The following ROBO2 variants were observed in gnomAD, a reference collection of about 807,000 sequenced individuals.
ROBO2 encodes the protein roundabout homolog 2.
A neutral mutation model predicts 160.8 loss-of-function variants in ROBO2; 53 were observed. That is an observed-to-expected ratio of 0.33 (90% confidence interval 0.26 to 0.41). The LOEUF (loss-of-function observed/expected upper bound fraction) is 0.41, where lower values mean the gene tolerates loss of function less well. Ranked by LOEUF, ROBO2 falls within the 10% of genes least tolerant of loss-of-function variation. ROBO2 has a pLI of 1.00. For synonymous variants in ROBO2, 664 were observed against 611.7 expected, an observed-to-expected ratio of 1.09 and a Z score of -1.26; for missense variants, 1,577 against 1,722.4, an observed-to-expected ratio of 0.92 and a Z score of 1.49.
chr3:77,645,349 A>G (rs1209132658), intron 25 of ROBO2, among the ~76,000 whole-genome samples: 3 of 152,136 alleles, frequency 2.0e-5, no homozygotes, highest in African/African-American at 7.2e-5. Context: ...TTGATCTTTG[A>G]TTGTTAATTA....
intron 5 of ROBO2, among the ~76,000 whole-genome samples, chr3:77,518,050 A>C (rs528238816): frequency 1.3e-4 from 20 of 151,648 alleles, no homozygotes; most frequent in Middle Eastern, 3.4e-3. Flanking sequence ...AAAATTGAAA[A>C]AGCTGTCTTG....
At chr3:77,607,040 T>C (rs1346435836) in intron 20 of ROBO2, among the ~76,000 whole-genome samples, 1 of 152,184 alleles carries the variant, frequency 6.6e-6, no homozygotes. Context: ...TTCATTAAGC[T>C]CCATGTAATC....
At chr3:76,817,499 AT>A (rs1215113956) in intron 2 of ROBO2, among the ~76,000 whole-genome samples, 1 of 151,940 alleles carries the variant, frequency 6.6e-6, no homozygotes, top group Non-Finnish European at 1.5e-5. Flanking sequence ...TTTTCTTTAC[AT>A]TTTTTTATTT....
At chr3:77,588,652 T>C in intron 16 of ROBO2, 99 bp from the exon 18 acceptor site, 2 of 1,117,510 alleles carry the variant, frequency 1.8e-6, no homozygotes, top group East Asian at 2.6e-5. Context: ...AAGCATTTCC[T>C]GCCTTCAAAT....
At chr3:76,912,041 G>C (rs548697968) in intron 2 of ROBO2, among the ~76,000 whole-genome samples, 2 of 152,264 alleles carry the variant, frequency 1.3e-5, no homozygotes, top group East Asian at 3.9e-4. Context: ...TAAATTTTCA[G>C]ATATTGAAAC....
intron 2 of ROBO2, among the ~76,000 whole-genome samples, chr3:76,061,800 T>C (rs2068078123): frequency 6.6e-6 from 1 of 152,128 alleles, no homozygotes; most frequent in Admixed American, 6.6e-5. Flanking sequence ...TGGGCTCAAA[T>C]CAAGGTATCA....
intron 2 of ROBO2, among the ~76,000 whole-genome samples, chr3:76,493,366 A>ATATATATATATATATAG (rs2079956468): frequency 1.4e-5 from 1 of 69,366 alleles, no homozygotes; most frequent in African/African-American, 5.4e-5. Flanking sequence ...TATATATATA[A>ATATATATATATATATAG]TTGTATATAC....
intron 2 of ROBO2, among the ~76,000 whole-genome samples, chr3:76,948,887 TATATATATATATA>T (rs2078748280): frequency 4.3e-5 from 1 of 23,348 alleles, no homozygotes; most frequent in African/African-American, 1.6e-4. Context: ...TATATATATA[TATATATATATATA>T]TATATATATT....
At chr3:77,592,473 G>A (rs1415401898) in intron 17 of ROBO2, among the ~76,000 whole-genome samples, 1 of 151,956 alleles carries the variant, frequency 6.6e-6, no homozygotes, top group Non-Finnish European at 1.5e-5. Flanking sequence ...CCAGATATGG[G>A]CCATACATAC....
At chr3:77,001,664 G>A (rs2061341387) in intron 2 of ROBO2, among the ~76,000 whole-genome samples, 2 of 152,030 alleles carry the variant, frequency 1.3e-5, no homozygotes, top group African/African-American at 4.8e-5. Flanking sequence ...ATGGGCTAAT[G>A]GTGCCAAGAT....
chr3:76,011,306 C>T (rs1290467192), intron 2 of ROBO2, among the ~76,000 whole-genome samples: 1 of 152,124 alleles, frequency 6.6e-6, no homozygotes, highest in Non-Finnish European at 1.5e-5. Flanking sequence ...TGAGATGCTG[C>T]CAGCCCGTGA....
chr3:75,995,287 C>T (rs915211816), intron 2 of ROBO2, among the ~76,000 whole-genome samples: 7 of 152,128 alleles, frequency 4.6e-5, no homozygotes, highest in Non-Finnish European at 7.4e-5. Flanking sequence ...GGTCCAGGAC[C>T]TTGCTGCCGT....
At chr3:76,580,378 T>C (rs1190202936) in intron 2 of ROBO2, among the ~76,000 whole-genome samples, 2 of 148,570 alleles carry the variant, frequency 1.3e-5, no homozygotes, top group African/African-American at 4.9e-5. Flanking sequence ...TTTTTTTCTC[T>C]TGGTCTGACA....
At chr3:77,082,014 A>G (rs764611897) in intron 1 of ROBO2, among the ~76,000 whole-genome samples, 6 of 152,208 alleles carry the variant, frequency 3.9e-5, no homozygotes, top group Non-Finnish European at 2.9e-5. Flanking sequence ...CCAACTGCAT[A>G]GGCCCTATGT....
At chr3:77,290,023 G>A (rs1197532489) in intron 2 of ROBO2, among the ~76,000 whole-genome samples, 9 of 151,260 alleles carry the variant, frequency 6.0e-5, no homozygotes, top group Non-Finnish European at 1.0e-4. Flanking sequence ...AAGACATAAA[G>A]TAAAATTGAC....
intron 2 of ROBO2, among the ~76,000 whole-genome samples, chr3:76,654,113 C>T (rs979449468): frequency 6.6e-6 from 1 of 152,122 alleles, no homozygotes. Context: ...ATGCAGGCTT[C>T]GAAGTGAATA....
chr3:76,862,324 T>C (rs2070873054), intron 2 of ROBO2, among the ~76,000 whole-genome samples: 1 of 152,134 alleles, frequency 6.6e-6, no homozygotes, highest in South Asian at 2.1e-4. Flanking sequence ...AGATTTTCCT[T>C]GCCCCTGTGA....
intron 2 of ROBO2, among the ~76,000 whole-genome samples, chr3:75,954,069 T>G (rs759324716): frequency 7.2e-5 from 11 of 151,828 alleles, no homozygotes; most frequent in Non-Finnish European, 1.3e-4. Flanking sequence ...CTCCCATGTG[T>G]ACCCCAACCC....
At chr3:77,259,238 G>C (rs2058623550) in intron 2 of ROBO2, among the ~76,000 whole-genome samples, 1 of 152,120 alleles carries the variant, frequency 6.6e-6, no homozygotes, top group Non-Finnish European at 1.5e-5. Flanking sequence ...TTCTCTCTCT[G>C]AGATGAGAAT....
Sources: gnomAD v4.1 joint callset for allele counts (sites outside exome capture counted in the v4.1 genomes callset) on GRCh38, gnomAD v4.1.1 for gene constraint, MANE v1.5 for transcripts, NCBI Gene and HGNC (gene_info 2026-07-23, HGNC 2026-07-21) for gene names.